TANC2: variants seen among roughly 807,000 people sequenced by gnomAD.
TANC2 encodes the protein protein TANC2.
TANC2 carries 26 observed loss-of-function variants against 210.5 expected under a neutral mutation model. The observed-to-expected ratio is 0.12, with a 90% CI of 0.09 to 0.17. The LOEUF is 0.17. Ranked by LOEUF, TANC2 falls within the 10% of genes least tolerant of loss-of-function variation. TANC2 has a pLI of 1.00. For synonymous variants in TANC2, 931 were observed against 967.1 expected, an observed-to-expected ratio of 0.96 and a Z score of 0.69; for missense variants, 2,129 against 2,608.9, an observed-to-expected ratio of 0.82 and a Z score of 4.01.
chr17:63,212,232 T>G (rs2041909263), intron 7 of TANC2, among the ~76,000 whole-genome samples: 1 of 152,164 alleles, frequency 6.6e-6, no homozygotes, highest in African/African-American at 2.4e-5. Context: ...AGATGAAACT[T>G]TATTGGATTT....
chr17:63,089,982 A>G (rs944643151), intron 3 of TANC2, among the ~76,000 whole-genome samples: 4 of 152,162 alleles, frequency 2.6e-5, no homozygotes, highest in Non-Finnish European at 5.9e-5. Flanking sequence ...TTTTAAGTGT[A>G]CATACCATGA....
chr17:63,227,981 A>G (rs1412546020), intron 7 of TANC2, among the ~76,000 whole-genome samples: 2 of 152,126 alleles, frequency 1.3e-5, no homozygotes, highest in African/African-American at 2.4e-5. Context: ...CTCCTGCCTC[A>G]GCCTTCCAGG....
intron 11 of TANC2, among the ~76,000 whole-genome samples, chr17:63,319,551 A>G (rs1160783062): frequency 1.3e-5 from 2 of 152,144 alleles, no homozygotes; most frequent in African/African-American, 4.8e-5. Context: ...GGGTTTTGCC[A>G]TGTTGGCCGG....
intron 9 of TANC2, among the ~76,000 whole-genome samples, chr17:63,271,454 T>C (rs2043703162): frequency 6.9e-6 from 1 of 145,900 alleles, no homozygotes; most frequent in South Asian, 2.2e-4. Flanking sequence ...TTTTTTTTAA[T>C]TTTGCTTTAA....
intron 7 of TANC2, among the ~76,000 whole-genome samples, chr17:63,208,250 C>T (rs2041783081): frequency 6.6e-6 from 1 of 152,070 alleles, no homozygotes; most frequent in African/African-American, 2.4e-5. Flanking sequence ...TTATGTTTTT[C>T]TATACAAATA....
chr17:63,051,382 G>A (rs1384621216), intron 2 of TANC2, among the ~76,000 whole-genome samples: 1 of 152,164 alleles, frequency 6.6e-6, no homozygotes, highest in Non-Finnish European at 1.5e-5. Flanking sequence ...TGGCTTCCCT[G>A]AGGTGTAGGT....
At chr17:63,402,973 A>G (rs1011479319) in intron 19 of TANC2, among the ~76,000 whole-genome samples, 3 of 152,244 alleles carry the variant, frequency 2.0e-5, no homozygotes, top group African/African-American at 2.4e-5. Context: ...TGTGTTAACC[A>G]TGTCCAGCTA....
intron 7 of TANC2, among the ~76,000 whole-genome samples, chr17:63,224,778 G>A (rs1257011457): frequency 6.6e-6 from 1 of 152,066 alleles, no homozygotes; most frequent in Non-Finnish European, 1.5e-5. Context: ...AGGCCTCCAG[G>A]GAGTGGAGAG....
intron 3 of TANC2, among the ~76,000 whole-genome samples, chr17:63,096,813 T>G (rs1421147687): frequency 6.6e-6 from 1 of 152,172 alleles, no homozygotes; most frequent in Admixed American, 6.5e-5. Flanking sequence ...TTTAACTTTT[T>G]GAGGAACCAC....
exon 6 of TANC2, chr17:63,194,058 T>G: frequency 6.2e-7 from 1 of 1,613,332 alleles, no homozygotes; most frequent in Non-Finnish European, 8.5e-7. Flanking sequence ...TCATGACTCG[T>G]CTGGGTTTCC....
chr17:63,293,895 A>T (rs1443776781), intron 9 of TANC2, among the ~76,000 whole-genome samples: 1 of 151,800 alleles, frequency 6.6e-6, no homozygotes, highest in Non-Finnish European at 1.5e-5. Flanking sequence ...CACCCAGCTA[A>T]TTTTTGTAAT....
Position 63,017,123 on chromosome 17 carries a change from G to A in TANC2, c.67+7497G>A, listed in dbSNP as rs181290899. Among the ~76,000 whole-genome samples, 405 of 152,228 alleles carry A rather than the reference G, an allele frequency of 2.7e-3. 1 individual carries two copies. The highest frequency in any genetic ancestry group is 4.1e-3 in the Non-Finnish European group (277 of 68,004). On this transcript the variant is annotated intron_variant, in intron 2 of 27. Coordinates refer to ENST00000689528, the Ensembl canonical transcript of TANC2. ...TATTTGCATGTGGTATGAAGGAAGGGTCCAAATTCATTCTTTTGCATGTGG... is the reference window on the plus strand; with the variant it reads ...TATTTGCATGTGGTATGAAGGAAGGATCCAAATTCATTCTTTTGCATGTGG...
At chr17:63,228,858 G>A (rs1456983702) in intron 7 of TANC2, among the ~76,000 whole-genome samples, 3 of 152,054 alleles carry the variant, frequency 2.0e-5, no homozygotes, top group South Asian at 4.2e-4. Flanking sequence ...TCTAGATATA[G>A]GATCATGTCA....
chr17:63,237,744 CA>C (rs769069777), intron 7 of TANC2, 69 bp from the exon 8 acceptor site: 278 of 1,421,646 alleles, frequency 2.0e-4, no homozygotes, highest in Non-Finnish European at 2.4e-4. Flanking sequence ...GTGTTTTTAT[CA>C]ACTTTGTCAA....
chr17:63,169,414 G>T (rs761520751), intron 5 of TANC2, among the ~76,000 whole-genome samples: 1 of 152,140 alleles, frequency 6.6e-6, no homozygotes, highest in African/African-American at 2.4e-5. Context: ...CTGGTTAACA[G>T]ATGCTTCCCA....
chr17:63,251,914 G>A (rs937234368), intron 8 of TANC2, among the ~76,000 whole-genome samples: 1 of 152,120 alleles, frequency 6.6e-6, no homozygotes, highest in African/African-American at 2.4e-5. Context: ...AAATCAAGGC[G>A]ATAGAATAGT....
chr17:63,162,514 A>G (rs1216289119), intron 5 of TANC2, among the ~76,000 whole-genome samples: 5 of 152,158 alleles, frequency 3.3e-5, no homozygotes, highest in Admixed American at 2.6e-4. Flanking sequence ...GTGCTCTGGT[A>G]GAGAGAGGAA....
chr17:63,335,780 G>C (rs2046006618), intron 11 of TANC2, among the ~76,000 whole-genome samples: 1 of 152,056 alleles, frequency 6.6e-6, no homozygotes, highest in African/African-American at 2.4e-5. Context: ...AATGTCTATA[G>C]GTAATAGTAT....
At chr17:63,083,631 C>G (rs1405263869) in intron 3 of TANC2, among the ~76,000 whole-genome samples, 1 of 152,208 alleles carries the variant, frequency 6.6e-6, no homozygotes, top group African/African-American at 2.4e-5. Context: ...AGTACCACTT[C>G]AGAACTTTAA....
Sources: allele counts gnomAD v4.1 joint callset (sites outside exome capture counted in the v4.1 genomes callset), GRCh38; gene constraint gnomAD v4.1.1; transcripts MANE v1.5; gene names NCBI Gene and HGNC (gene_info 2026-07-23, HGNC 2026-07-21).